Variants in MBOAT2 observed in about 807,000 individuals in gnomAD.
MBOAT2 encodes the protein membrane bound glycerophospholipid O-acyltransferase 2, also known as membrane-bound glycerophospholipid O-acyltransferase 2.
MBOAT2 carries 28 observed loss-of-function variants against 63.4 expected under a neutral mutation model. The ratio of observed to expected loss-of-function variants is 0.44; its 90% CI spans 0.33 to 0.61. MBOAT2 has a LOEUF of 0.61. Among genes scored for constraint, MBOAT2 ranks in the 20% least tolerant of loss-of-function variants. The pLI is 0.03. For synonymous variants in MBOAT2, 211 were observed against 215.6 expected (o/e 0.98, Z 0.19); for missense variants, 470 against 605.8 (o/e 0.78, Z 2.35).
At chr2:8,914,558 A>AT (rs1666014835) in intron 3 of MBOAT2, among the ~76,000 whole-genome samples, 1 of 151,996 alleles carries the variant, frequency 6.6e-6, no homozygotes. Context: ...AATAAAGAAT[A>AT]TTCTATTATC....
At chr2:8,874,555 A>G (rs1420660224) in intron 7 of MBOAT2, among the ~76,000 whole-genome samples, 1 of 152,188 alleles carries the variant, frequency 6.6e-6, no homozygotes, top group African/African-American at 2.4e-5. Context: ...GGGCAGGGAT[A>G]TGGTGCTGCA....
At chr2:8,867,446 G>A (rs1326167604) in intron 9 of MBOAT2, among the ~76,000 whole-genome samples, 1 of 152,152 alleles carries the variant, frequency 6.6e-6, no homozygotes, top group East Asian at 1.9e-4. Flanking sequence ...CGTGCTGATA[G>A]TTCCCAGATT....
intron 1 of MBOAT2, among the ~76,000 whole-genome samples, chr2:9,000,548 ACT>A: frequency 6.6e-6 from 1 of 152,316 alleles, no homozygotes; most frequent in Non-Finnish European, 1.5e-5. Context: ...AGAGAAAACA[ACT>A]CAAACTACAG....
At chr2:8,898,063 C>A (rs751017248) in intron 4 of MBOAT2, among the ~76,000 whole-genome samples, 1 of 152,254 alleles carries the variant, frequency 6.6e-6, no homozygotes, top group Non-Finnish European at 1.5e-5. Context: ...TTTGCTACTA[C>A]ATCAATTTCC....
intron 12 of MBOAT2, 47 bp from the exon 13 acceptor site, chr2:8,858,951 T>C: frequency 7.2e-7 from 1 of 1,389,144 alleles, no homozygotes; most frequent in East Asian, 2.3e-5. Context: ...TAATTAATAA[T>C]CCTTAATAAC....
intron 2 of MBOAT2, among the ~76,000 whole-genome samples, chr2:8,949,739 A>G (rs1241414536): frequency 6.6e-6 from 1 of 152,146 alleles, no homozygotes; most frequent in African/African-American, 2.4e-5. Flanking sequence ...TGGTTACTGC[A>G]TCCTTATAGT....
intron 3 of MBOAT2, among the ~76,000 whole-genome samples, chr2:8,925,426 C>T (rs142254345): frequency 3.2e-4 from 49 of 152,342 alleles, no homozygotes; most frequent in Middle Eastern, 3.4e-3. Flanking sequence ...CAGTTCTTTA[C>T]ATCCCATATT....
intron 3 of MBOAT2, among the ~76,000 whole-genome samples, chr2:8,922,900 G>A (rs1211780643): frequency 6.6e-6 from 1 of 152,204 alleles, no homozygotes; most frequent in African/African-American, 2.4e-5. Context: ...GCTACTGCAT[G>A]GGGTTCTCTG....
intron 3 of MBOAT2, among the ~76,000 whole-genome samples, chr2:8,920,706 TAC>T (rs1190883615): frequency 6.6e-6 from 1 of 152,246 alleles, no homozygotes; most frequent in East Asian, 1.9e-4. Context: ...AGGAATGTTT[TAC>T]AGTTTTCAAG....
chr2:8,858,103 A>G lies in MBOAT2; in HGVS notation c.*576T>C, dbSNP rs1009384236. 4 of 152,714 alleles carry G rather than the reference A, an allele frequency of 2.6e-5. No homozygotes were observed. Among genetic ancestry groups the G allele is most frequent in the African/African-American group, 9.6e-5 (4 of 41,468 alleles). The allele number at this position is 152,714 out of a possible 1,614,324, so 9.5% of individuals were successfully genotyped here. The stretch of plus-strand genomic sequence containing the variant: ...TCACTATGGATTGTAGTCATTTGAC[A>G]TACTTTAAGAAAACCCTTCAAATAC... On this transcript the variant is annotated 3_prime_UTR_variant, in exon 13 of 13. Coordinates refer to ENST00000305997, the MANE Select transcript of MBOAT2 (RefSeq NM_138799.4).
chr2:8,898,360 C>T (rs977512173), intron 4 of MBOAT2, among the ~76,000 whole-genome samples: 1 of 152,138 alleles, frequency 6.6e-6, no homozygotes, highest in Non-Finnish European at 1.5e-5. Context: ...GCCAGTGATT[C>T]CAAAGAACCC....
chr2:8,927,438 G>A (rs1667005692), intron 3 of MBOAT2, among the ~76,000 whole-genome samples: 1 of 152,158 alleles, frequency 6.6e-6, no homozygotes, highest in South Asian at 2.1e-4. Flanking sequence ...TAGAATGGAA[G>A]CCGAAACCCA....
Position 8,873,335 on chromosome 2 carries a change from T to C in MBOAT2, c.691-35A>G, listed in dbSNP as rs770904362. On this transcript the variant is annotated intron_variant, in intron 7 of 12. Coordinates refer to ENST00000305997, the MANE Select transcript of MBOAT2 (RefSeq NM_138799.4). ...GCAAGGCGAGACTTCATCAACTTTA[T>C]CCATGCTCCTTTTAATTCATTCTAT... 2.7e-5 allele frequency: 43 copies of C among 1,591,934 alleles called. No homozygotes were observed. In the African/African-American group the frequency reaches 4.2e-4, roughly 15 times the overall value.
At chr2:8,878,226 T>A (rs1034930013) in intron 6 of MBOAT2, among the ~76,000 whole-genome samples, 10 of 152,310 alleles carry the variant, frequency 6.6e-5, no homozygotes, top group African/African-American at 2.4e-4. Context: ...TGATACATGG[T>A]ACCTATGGGT....
At chr2:8,968,239 A>C (rs1009422656) in intron 1 of MBOAT2, among the ~76,000 whole-genome samples, 1 of 152,266 alleles carries the variant, frequency 6.6e-6, no homozygotes, top group South Asian at 2.1e-4. Flanking sequence ...GCTGTTCTGC[A>C]GCCTCTGCTG....
intron 3 of MBOAT2, among the ~76,000 whole-genome samples, chr2:8,909,354 G>A (rs974616831): frequency 2.0e-5 from 3 of 152,138 alleles, no homozygotes; most frequent in African/African-American, 7.2e-5. Flanking sequence ...AATTATCAGG[G>A]AATGGATGAG....
chr2:8,881,987 T>A (rs1284089187), intron 6 of MBOAT2, among the ~76,000 whole-genome samples: 1 of 152,224 alleles, frequency 6.6e-6, no homozygotes, highest in Non-Finnish European at 1.5e-5. Flanking sequence ...AGATTAGTCA[T>A]CAGAGTGCCT....
At chr2:8,965,493 T>G (rs1257646024) in intron 1 of MBOAT2, among the ~76,000 whole-genome samples, 1 of 152,214 alleles carries the variant, frequency 6.6e-6, no homozygotes, top group East Asian at 1.9e-4. Context: ...GATCTTATCA[T>G]TTTTAAATTT....
Position 8,908,687 on chromosome 2 carries a change from A to G in MBOAT2, c.329T>C (p.Leu110Pro). 6.2e-7 allele frequency: 1 copy of G among 1,611,378 alleles called. No individual in the cohort carries two copies. The highest frequency in any genetic ancestry group is 8.5e-7 in the Non-Finnish European group (1 of 1,178,158). Residue 110 changes from leucine to proline, a missense_variant, in exon 4 of 13, where the codon CTC becomes CCC. Leu to Pro is a moderately conservative substitution (Grantham distance 98). Around this residue, in one of 3 missense-constraint regions of MBOAT2, gnomAD observed 376 missense variants for 503.8 expected, o/e 0.75. Transcript: ENST00000305997. ...NYCFVFALGY[L>P]TVCQVTRVYI... The stretch of plus-strand genomic sequence containing the variant: ...GACTCGAGTAACTTGGCACACTGTG[A>G]GGTATCCCAGAGCAAACACAAAGCA...
Sources: allele counts gnomAD v4.1 joint callset (sites outside exome capture counted in the v4.1 genomes callset), GRCh38; gene constraint gnomAD v4.1.1; regional missense constraint gnomAD v4.1.1; transcripts MANE v1.5; gene names NCBI Gene and HGNC (gene_info 2026-07-23, HGNC 2026-07-21).